Variants in GAREM1 observed in about 807,000 individuals in gnomAD.
The protein encoded by GAREM1 is GRB2-associated and regulator of MAPK protein 1.
In GAREM1, 26 loss-of-function variants were observed where a neutral mutation model predicts 71.3. That is an observed-to-expected ratio of 0.36 (90% confidence interval 0.27 to 0.51). The LOEUF (loss-of-function observed/expected upper bound fraction) is 0.51. Ranked by LOEUF, GAREM1 falls within the 20% of genes least tolerant of loss-of-function variation. GAREM1 has a pLI of 0.95. For missense variants in GAREM1, 1,026 were observed against 1,103.1 expected (o/e 0.93, Z 0.99); for synonymous variants, 440 against 433.2 (o/e 1.02, Z -0.20).
At chr18:32,326,069 G>T (rs1054533094) in intron 2 of GAREM1, among the ~76,000 whole-genome samples, 2 of 152,182 alleles carry the variant, frequency 1.3e-5, no homozygotes, top group Non-Finnish European at 2.9e-5. Context: ...TGGAAAAACT[G>T]CTCCAGAATA....
At chr18:32,366,846 T>C (rs2047932784) in intron 2 of GAREM1, among the ~76,000 whole-genome samples, 1 of 152,190 alleles carries the variant, frequency 6.6e-6, no homozygotes, top group Non-Finnish European at 1.5e-5. Context: ...AACCAGTGGG[T>C]GGAATTTGGG....
chr18:32,415,422 C>T (rs943250813), intron 1 of GAREM1, among the ~76,000 whole-genome samples: 1 of 151,764 alleles, frequency 6.6e-6, no homozygotes, highest in African/African-American at 2.4e-5. Flanking sequence ...AACAAACAAA[C>T]AAACAAAAAC....
intron 1 of GAREM1, among the ~76,000 whole-genome samples, chr18:32,451,790 T>A (rs1202207307): frequency 6.6e-6 from 1 of 152,144 alleles, no homozygotes; most frequent in Non-Finnish European, 1.5e-5. Flanking sequence ...CACTTCCCAC[T>A]GTTTGTATAA....
chr18:32,428,573 G>T (rs1018498747), intron 1 of GAREM1, among the ~76,000 whole-genome samples: 1 of 152,152 alleles, frequency 6.6e-6, no homozygotes, highest in African/African-American at 2.4e-5. Context: ...TGCCATGATT[G>T]TAAGTTTCCT....
Position 32,306,880 on chromosome 18 carries a change from G to T in GAREM1, c.393+3313C>A, listed in dbSNP as rs1279307795. Among the ~76,000 whole-genome samples the T allele has an allele frequency of 1.3e-5, 2 of 152,190 alleles. 1 individual carries two copies. Among genetic ancestry groups the T allele is most frequent in the Non-Finnish European group, 2.9e-5 (2 of 68,042 alleles). On this transcript the variant is annotated intron_variant, in intron 3 of 5. Transcript: ENST00000269209. ...GCTCAAAATATATTTGCTGGTTAAA[G>T]AATTAAACACTTAATGCATATGAAT...
At chr18:32,363,789 T>G (rs2144613823) in intron 2 of GAREM1, among the ~76,000 whole-genome samples, 1 of 151,564 alleles carries the variant, frequency 6.6e-6, no homozygotes, top group Middle Eastern at 3.4e-3. Flanking sequence ...TTGAAGAGGC[T>G]CAAGGTAATC....
chr18:32,396,286 G>A (rs748339226), intron 1 of GAREM1, among the ~76,000 whole-genome samples: 8 of 152,136 alleles, frequency 5.3e-5, no homozygotes, highest in Non-Finnish European at 7.4e-5. Context: ...GCAGCTCCTC[G>A]CCAGCAATGG....
intron 2 of GAREM1, among the ~76,000 whole-genome samples, chr18:32,323,947 GGA>G (rs926647079): frequency 5.3e-5 from 8 of 151,856 alleles, no homozygotes; most frequent in Non-Finnish European, 1.2e-4. Context: ...GGGGAGAGAG[GGA>G]GATAGGGAAA....
chr18:32,469,298 GTTC>G (rs1328095431), intron 1 of GAREM1, among the ~76,000 whole-genome samples: 1 of 152,170 alleles, frequency 6.6e-6, no homozygotes, highest in Non-Finnish European at 1.5e-5. Flanking sequence ...TCTGCTTAGT[GTTC>G]TTCTGACCTG....
intron 2 of GAREM1, among the ~76,000 whole-genome samples, chr18:32,376,064 A>G (rs1567985754): frequency 6.6e-6 from 1 of 152,244 alleles, no homozygotes; most frequent in South Asian, 2.1e-4. Flanking sequence ...AAATGGCTGA[A>G]TTAAAAGTAT....
chr18:32,395,584 G>C (rs889602523), intron 1 of GAREM1, among the ~76,000 whole-genome samples: 1 of 152,180 alleles, frequency 6.6e-6, no homozygotes, highest in Non-Finnish European at 1.5e-5. Flanking sequence ...AAAAGGCAAT[G>C]AGGGAATGGG....
intron 2 of GAREM1, among the ~76,000 whole-genome samples, chr18:32,388,184 A>C (rs549706911): frequency 2.9e-4 from 44 of 152,344 alleles, no homozygotes; most frequent in African/African-American, 1.1e-3. Flanking sequence ...GGACAGCAAT[A>C]TATCATAGTA....
At chr18:32,288,321 T>C (rs569529846) in intron 3 of GAREM1, 118 bp from the exon 4 acceptor site, 2 of 737,656 alleles carry the variant, frequency 2.7e-6, no homozygotes, top group Admixed American at 3.2e-5. Flanking sequence ...TTTTCTTTAA[T>C]ACTAAATTTA....
chr18:32,301,506 T>C (rs1455760693), intron 3 of GAREM1, among the ~76,000 whole-genome samples: 1 of 148,814 alleles, frequency 6.7e-6, no homozygotes, highest in Non-Finnish European at 1.5e-5. Context: ...AGGTCACACA[T>C]GTGCTCTGAG....
intron 3 of GAREM1, among the ~76,000 whole-genome samples, chr18:32,289,647 T>C (rs1211452127): frequency 6.6e-6 from 1 of 152,200 alleles, no homozygotes; most frequent in African/African-American, 2.4e-5. Context: ...CTAGCTGAGA[T>C]GATATAGATT....
chr18:32,340,912 C>T (rs1463189961), intron 2 of GAREM1, among the ~76,000 whole-genome samples: 1 of 152,078 alleles, frequency 6.6e-6, no homozygotes, highest in Non-Finnish European at 1.5e-5. Context: ...TGTTACATGC[C>T]CTTGCTTGGG....
intron 3 of GAREM1, among the ~76,000 whole-genome samples, chr18:32,301,701 A>T (rs1423546923): frequency 6.6e-6 from 1 of 152,306 alleles, no homozygotes; most frequent in South Asian, 2.1e-4. Context: ...CACTTTTGCT[A>T]TAAAACCCGG....
intron 2 of GAREM1, among the ~76,000 whole-genome samples, chr18:32,313,571 T>A (rs2047346192): frequency 6.6e-6 from 1 of 152,102 alleles, no homozygotes; most frequent in South Asian, 2.1e-4. Flanking sequence ...CTGGAGAGAA[T>A]AACAGCAAGC....
intron 2 of GAREM1, among the ~76,000 whole-genome samples, chr18:32,334,820 C>T (rs1379977744): frequency 6.6e-6 from 1 of 152,194 alleles, no homozygotes; most frequent in Non-Finnish European, 1.5e-5. Context: ...GATTCCATTT[C>T]CCTCTTCTTG....
Sources: allele counts gnomAD v4.1 joint callset (sites outside exome capture counted in the v4.1 genomes callset), GRCh38; gene constraint gnomAD v4.1.1; transcripts MANE v1.5; gene names NCBI Gene and HGNC (gene_info 2026-07-23, HGNC 2026-07-21).